Variants in MAP6 observed in about 807,000 individuals in gnomAD.
The protein encoded by MAP6 is microtubule associated protein 6.
Under a neutral mutation model 42.4 loss-of-function variants are expected in MAP6, and 26 were observed. The ratio of observed to expected loss-of-function variants is 0.61; its 90% CI spans 0.45 to 0.85. The LOEUF is 0.85. MAP6 is among the 40% of genes least tolerant of loss of function. The pLI, the probability that MAP6 is intolerant of heterozygous loss-of-function variation, is 0.00. For synonymous variants in MAP6, 418 were observed against 443.8 expected (o/e 0.94, Z 0.73); for missense variants, 966 against 1,099.0 (o/e 0.88, Z 1.71).
chr11:75,602,204 C>T (rs1233597919), intron 3 of MAP6, among the ~76,000 whole-genome samples: 1 of 152,090 alleles, frequency 6.6e-6, no homozygotes, highest in Non-Finnish European at 1.5e-5. Flanking sequence ...AGTGGCCTTG[C>T]CCTTACATAT....
At chr11:75,650,193 A>C (rs938464941) in intron 1 of MAP6, among the ~76,000 whole-genome samples, 6 of 152,170 alleles carry the variant, frequency 3.9e-5, no homozygotes, top group East Asian at 1.9e-4. Flanking sequence ...AGGACTCCCC[A>C]AAAAATTGGG....
intron 1 of MAP6, among the ~76,000 whole-genome samples, chr11:75,634,347 G>A (rs1211589255): frequency 1.3e-5 from 2 of 152,194 alleles, no homozygotes; most frequent in Non-Finnish European, 2.9e-5. Flanking sequence ...CGTGATCTTG[G>A]CTCACTGCAA....
At chr11:75,607,006 A>T (rs1400871050) in intron 2 of MAP6, among the ~76,000 whole-genome samples, 1 of 152,074 alleles carries the variant, frequency 6.6e-6, no homozygotes, top group Admixed American at 6.5e-5. Context: ...CGGGTGCCAC[A>T]CCATCTCTGG....
chr11:75,632,817 G>A (rs1004495053), intron 1 of MAP6, among the ~76,000 whole-genome samples: 3 of 152,094 alleles, frequency 2.0e-5, no homozygotes, highest in African/African-American at 7.2e-5. Context: ...AGAACTGGCA[G>A]ACAATCATAG....
In MAP6 at chr11:75,643,531, T is replaced by C. The variant is rs142206080; in HGVS notation, c.905+23934A>G. Among the ~76,000 whole-genome samples the C allele has an allele frequency of 5.2e-4, 79 of 152,324 alleles. 1 individual carries two copies. The East Asian group carries it at 0.015, about 29-fold the overall frequency. ...AACCTCACTTCAACTGTGAAGTCTTTTCTGACACTCACAATTGATAGAACT... is the reference window on the plus strand; with the variant it reads ...AACCTCACTTCAACTGTGAAGTCTTCTCTGACACTCACAATTGATAGAACT... On this transcript the variant is annotated intron_variant, in intron 1 of 3. Coordinates refer to ENST00000304771, the MANE Select transcript of MAP6 (RefSeq NM_033063.2).
At chr11:75,627,909 A>G (rs2135627283) in intron 1 of MAP6, among the ~76,000 whole-genome samples, 1 of 152,356 alleles carries the variant, frequency 6.6e-6, no homozygotes, top group East Asian at 1.9e-4. Flanking sequence ...GTCACAATGC[A>G]GGATCCTCAA....
At chr11:75,613,344 G>C (rs1264960911) in intron 1 of MAP6, among the ~76,000 whole-genome samples, 1 of 152,032 alleles carries the variant, frequency 6.6e-6, no homozygotes, top group East Asian at 1.9e-4. Context: ...TGTAACCCAA[G>C]CTTGTCTTCG....
At chr11:75,624,648 C>T (rs950359074) in intron 1 of MAP6, among the ~76,000 whole-genome samples, 3 of 152,078 alleles carry the variant, frequency 2.0e-5, no homozygotes, top group African/African-American at 4.8e-5. Context: ...CTTTTCTACC[C>T]GAGATGCAAC....
chr11:75,607,447 C>T, intron 2 of MAP6: 1 of 985,442 alleles, frequency 1.0e-6, no homozygotes, highest in South Asian at 4.7e-5. Flanking sequence ...CAACATGCTT[C>T]TCCTGATCAC....
At chr11:75,609,943 C>T (rs1942860225) in intron 1 of MAP6, among the ~76,000 whole-genome samples, 1 of 152,206 alleles carries the variant, frequency 6.6e-6, no homozygotes, top group African/African-American at 2.4e-5. Context: ...GCTCTGCCCT[C>T]ATGAATGATT....
At chr11:75,631,843 G>A (rs772273279) in intron 1 of MAP6, among the ~76,000 whole-genome samples, 2 of 152,192 alleles carry the variant, frequency 1.3e-5, no homozygotes, top group Non-Finnish European at 2.9e-5. Flanking sequence ...AATATTTCAC[G>A]TAGATGGAAT....
chr11:75,606,023 C>A lies in MAP6; in HGVS notation c.1120-19G>T, dbSNP rs200302655. 5 of 1,609,706 alleles carry A rather than the reference C, an allele frequency of 3.1e-6. No individual in the cohort carries two copies. The East Asian group carries it at 8.9e-5, about 29-fold the overall frequency. ...TTTCCACCTGTACGGAGAGACAGACCGCAAATACAGAAACACAAAAAGGTG... is the reference window on the plus strand; with the variant it reads ...TTTCCACCTGTACGGAGAGACAGACAGCAAATACAGAAACACAAAAAGGTG... On this transcript the variant is annotated intron_variant, in intron 2 of 3. Coordinates refer to ENST00000304771, the MANE Select transcript of MAP6 (RefSeq NM_033063.2).
intron 1 of MAP6, among the ~76,000 whole-genome samples, chr11:75,617,577 C>T (rs1209614601): frequency 7.2e-6 from 1 of 139,758 alleles, no homozygotes; most frequent in Non-Finnish European, 1.5e-5. Flanking sequence ...TTTGATTCTA[C>T]ACAAATTAAT....
At position 75,587,419 on chromosome 11, in the gene MAP6, G is replaced by C; in HGVS notation, c.2082C>G (p.His694Gln). 6.2e-7 allele frequency: 1 copy of C among 1,614,056 alleles called. No homozygotes were observed. The highest frequency in any genetic ancestry group is 8.5e-7 in the Non-Finnish European group (1 of 1,179,988). Residue 694 changes from histidine (H) to glutamine (Q), a missense_variant, in exon 4 of 4, where the codon CAC becomes CAG. His to Gln is a conservative substitution (Grantham distance 24). Transcript: ENST00000304771. ...DVVVPEHAKVHDSAVVAPVKN... is the reference protein window; with the variant it reads ...DVVVPEHAKVQDSAVVAPVKN... ...TTACAGGTGCCACAACTGCAGAATC[G>C]TGAACCTTTGCATGCTCTGGGACTA...
At chr11:75,658,446 C>T (rs1008332991) in intron 1 of MAP6, among the ~76,000 whole-genome samples, 1 of 151,850 alleles carries the variant, frequency 6.6e-6, no homozygotes, top group African/African-American at 2.4e-5. Context: ...ACATCCTAGG[C>T]TCTTCCCTCT....
chr11:75,666,260 T>C (rs896701428), intron 1 of MAP6, among the ~76,000 whole-genome samples: 1 of 152,124 alleles, frequency 6.6e-6, no homozygotes, highest in South Asian at 2.1e-4. Context: ...TGTTAGCTAA[T>C]TGATGTTGGT....
At chr11:75,664,328 G>A (rs1277002339) in intron 1 of MAP6, among the ~76,000 whole-genome samples, 1 of 152,176 alleles carries the variant, frequency 6.6e-6, no homozygotes. Context: ...TATTGAATAG[G>A]GAAGGTTTCT....
rs748299838 is a variant in MAP6 at position 75,614,400 on chromosome 11, TAACA to T, written c.906-6082_906-6079del. The stretch of plus-strand genomic sequence containing the variant: ...GTGGTTGGACTTGAGGACTCACTTC[TAACA>T]AACAGAAGATGGTGGGAGTGGTGGT... On this transcript the variant is annotated intron_variant, in intron 1 of 3. Transcript: ENST00000304771. Among the ~76,000 whole-genome samples the T allele has an allele frequency of 3.9e-5, 6 of 152,186 alleles. No homozygotes were observed. The South Asian group carries it at 1.0e-3, about 26-fold the overall frequency.
At chr11:75,645,655 ATG>A (rs1265372094) in intron 1 of MAP6, among the ~76,000 whole-genome samples, 2 of 152,224 alleles carry the variant, frequency 1.3e-5, no homozygotes, top group East Asian at 3.8e-4. Context: ...TACAAAATAA[ATG>A]TGTTTAAAAA....
Sources: gnomAD v4.1 joint callset for allele counts (sites outside exome capture counted in the v4.1 genomes callset) on GRCh38, gnomAD v4.1.1 for gene constraint, MANE v1.5 for transcripts, NCBI Gene and HGNC (gene_info 2026-07-23, HGNC 2026-07-21) for gene names.